Variants in CD2 observed in about 807,000 individuals in gnomAD.
CD2 encodes T-cell surface antigen CD2.
Under a neutral mutation model 23.2 loss-of-function variants are expected in CD2, and 18 were observed. The ratio of observed to expected loss-of-function variants is 0.77; its 90% CI spans 0.54 to 1.15. The LOEUF is 1.15. CD2 is among the 50% of genes most tolerant of loss of function. The probability of loss-of-function intolerance (pLI) is 0.00; values close to 1 mark genes in which losing one functional copy is unlikely to be tolerated. For missense variants in CD2, 424 were observed against 423.1 expected (o/e 1.00, Z -0.02); for synonymous variants, 162 against 151.9 (o/e 1.07, Z -0.49).
intron 4 of CD2, 125 bp downstream of exon 4, chr1:116,764,731 T>C (rs1421906594): frequency 1.3e-6 from 1 of 750,552 alleles, no homozygotes; most frequent in Non-Finnish European, 2.3e-6. Flanking sequence ...ATGTCAGGGT[T>C]GTAGTCAGCG....
At chr1:116,767,321 C>T (rs1332614767) in intron 4 of CD2, among the ~76,000 whole-genome samples, 2 of 152,086 alleles carry the variant, frequency 1.3e-5, no homozygotes, top group East Asian at 3.9e-4. Context: ...CAGCTGGGTG[C>T]GGTGGCTCAT....
intron 2 of CD2, among the ~76,000 whole-genome samples, chr1:116,758,275 A>T (rs1238780439): frequency 2.0e-5 from 3 of 152,086 alleles, no homozygotes; most frequent in Non-Finnish European, 1.5e-5. Context: ...AAGAAGGGAA[A>T]AGAGGAAGCT....
Position 116,768,900 on chromosome 1 carries a change from G to A in CD2, c.*117G>A, listed in dbSNP as rs1443308198. 3 of 1,047,862 alleles carry A rather than the reference G, an allele frequency of 2.9e-6. No homozygotes were observed. Among genetic ancestry groups the A allele is most frequent in the Non-Finnish European group, 4.1e-6 (3 of 727,208 alleles). The allele number at this position is 1,047,862 out of a possible 1,614,324, so 64.9% of individuals were successfully genotyped here. On this transcript the variant is annotated 3_prime_UTR_variant, in exon 5 of 5. Transcript: ENST00000369478. ...GTGCAGAACATTGTCACCTCCTGAG[G>A]CTGTGGGCCACAGCCACCTCTGCAT... is the stretch of plus-strand genomic sequence containing the variant.
At position 116,761,294 on chromosome 1, in the gene CD2, G is replaced by A. The variant is rs147205377; in HGVS notation, c.613+662G>A. On this transcript the variant is annotated intron_variant, in intron 3 of 4. Coordinates refer to ENST00000369478, the MANE Select transcript of CD2 (RefSeq NM_001767.5). The stretch of plus-strand genomic sequence containing the variant: ...AGCCTTCTATAGTGCCCAAGCTCTC[G>A]CCTGGGAGTAGAGGTCTGGACTTCT... 5.1e-4 allele frequency among the ~76,000 whole-genome samples: 77 copies of A among 152,274 alleles called. 1 individual carries two copies. Among genetic ancestry groups the A allele is most frequent in the African/African-American group, 1.7e-3 (70 of 41,546 alleles).
rs987456909 is a variant in CD2 at position 116,768,400 on chromosome 1, T to A, written c.737-64T>A. 7 of 1,469,962 alleles carry A rather than the reference T, an allele frequency of 4.8e-6. No individual in the cohort carries two copies. In the African/African-American group the frequency reaches 9.8e-5, roughly 21 times the overall value. 91.1% of individuals were successfully genotyped at this position (1,469,962 alleles called of 1,614,324 possible). A position where few individuals can be genotyped will look rare whatever the true frequency, so the allele number is the denominator to read the frequency against. On this transcript the variant is annotated intron_variant, in intron 4 of 4. Transcript: ENST00000369478. Reference sequence around the variant, plus strand: ...AGCATGGCGCCTTGCATATAAAAGGTACTCAATATTTACATTGATTTCACC... The same window carrying A: ...AGCATGGCGCCTTGCATATAAAAGGAACTCAATATTTACATTGATTTCACC...
chr1:116,754,620 G>A lies in CD2; in HGVS notation c.62-11G>A, dbSNP rs1440097336. The A allele has an allele frequency of 6.2e-7, 1 of 1,608,102 alleles. No homozygotes were observed. Among genetic ancestry groups the A allele is most frequent in the Non-Finnish European group, 8.5e-7 (1 of 1,178,240 alleles). The stretch of plus-strand genomic sequence containing the variant: ...GAAAGTGACTCTCAGTAACTCTTTT[G>A]CTTTTTATAGGTGCAGTCTCCAAAG... On this transcript the variant is annotated splice_polypyrimidine_tract_variant and intron_variant, in intron 1 of 4. Coordinates refer to ENST00000369478, the MANE Select transcript of CD2 (RefSeq NM_001767.5).
intron 2 of CD2, among the ~76,000 whole-genome samples, chr1:116,755,449 G>T (rs1466808333): frequency 1.3e-5 from 2 of 152,182 alleles, no homozygotes; most frequent in African/African-American, 4.8e-5. Flanking sequence ...CCTTATTTTG[G>T]ATCTGCTTGT....
Position 116,754,735 on chromosome 1 carries a change from G to A in CD2, c.166G>A (p.Asp56Asn), listed in dbSNP as rs1024165793. 1.9e-6 allele frequency: 3 copies of A among 1,613,044 alleles called. No individual in the cohort carries two copies. Among genetic ancestry groups the A allele is most frequent in the East Asian group, 4.5e-5 (2 of 44,884 alleles). Residue 56 changes from aspartate (D) to asparagine (N), a missense_variant, in exon 2 of 5, where the codon GAT becomes AAT. Transcript: ENST00000369478. ...TTTTCAAATGAGTGATGATATTGACGATATAAAATGGGAAAAAACTTCAGA... is the reference window on the plus strand; with the variant it reads ...TTTTCAAATGAGTGATGATATTGACAATATAAAATGGGAAAAAACTTCAGA... ...PSFQMSDDID[D>N]IKWEKTSDKK... is the part of the protein sequence containing the mutation.
chr1:116,764,619 T>A lies in CD2; in HGVS notation c.736+13T>A. On this transcript the variant is annotated intron_variant, in intron 4 of 4. Transcript: ENST00000369478. Reference sequence around the variant, plus strand: ...AGTCGGAGAAATGGTAAGCTCCCCCTCTTTTGTCCCACCGCAGGCCCCAGC... The same window carrying A: ...AGTCGGAGAAATGGTAAGCTCCCCCACTTTTGTCCCACCGCAGGCCCCAGC... 1 of 1,610,130 alleles carries A rather than the reference T, an allele frequency of 6.2e-7. No homozygotes were observed. Among genetic ancestry groups the A allele is most frequent in the Non-Finnish European group, 8.5e-7 (1 of 1,176,638 alleles).
chr1:116,761,293 C>A (rs528138330), intron 3 of CD2, among the ~76,000 whole-genome samples: 8 of 152,216 alleles, frequency 5.3e-5, no homozygotes, highest in African/African-American at 1.9e-4. Context: ...CCCAAGCTCT[C>A]GCCTGGGAGT....
chr1:116,761,790 C>G (rs1652062965), intron 3 of CD2, among the ~76,000 whole-genome samples: 1 of 152,144 alleles, frequency 6.6e-6, no homozygotes, highest in Admixed American at 6.5e-5. Context: ...CTCCCACATT[C>G]CCCCATCACT....
intron 2 of CD2, among the ~76,000 whole-genome samples, chr1:116,758,958 T>C (rs1446261001): frequency 6.6e-6 from 1 of 152,218 alleles, no homozygotes; most frequent in African/African-American, 2.4e-5. Flanking sequence ...TTTTCTTTTT[T>C]TTCTAAACAG....
rs763125349 is a variant in CD2, at chr1:116,754,824, G to A, written c.255G>A (p.Lys85=). The change falls in exon 2 of 5, where the codon AAG becomes AAA. Residue 85 remains lysine (K), a synonymous_variant. Coordinates refer to ENST00000369478, the MANE Select transcript of CD2 (RefSeq NM_001767.5). ...KETFKEKDTY[K]LFKNGTLKIK... ...CTTTCAAGGAAAAAGATACATATAAGCTATTTAAAAATGGAACTCTGAAAA... is the reference window on the plus strand; with the variant it reads ...CTTTCAAGGAAAAAGATACATATAAACTATTTAAAAATGGAACTCTGAAAA... 9.9e-6 allele frequency: 16 copies of A among 1,612,754 alleles called. No individual in the cohort carries two copies. In the East Asian group the frequency reaches 2.7e-4, roughly 27 times the overall value.
chr1:116,760,201 T>C (rs1035617361), intron 2 of CD2, among the ~76,000 whole-genome samples: 1 of 152,224 alleles, frequency 6.6e-6, no homozygotes, highest in Non-Finnish European at 1.5e-5. Flanking sequence ...GCATAATGTA[T>C]CTGTGAATGT....
At chr1:116,758,025 T>C (rs1413079491) in intron 2 of CD2, among the ~76,000 whole-genome samples, 1 of 151,606 alleles carries the variant, frequency 6.6e-6, no homozygotes, top group Non-Finnish European at 1.5e-5. Context: ...CACCTTAGCC[T>C]CCCAAAGTGC....
chr1:116,769,040 G>A lies in CD2; in HGVS notation c.*257G>A, dbSNP rs148305763. ...GATTGCAAGAATGGTAGAGGACCGA[G>A]CACAGAAATCTTAGAGATTTCTTGT... On this transcript the variant is annotated 3_prime_UTR_variant, in exon 5 of 5. Coordinates refer to ENST00000369478, the MANE Select transcript of CD2 (RefSeq NM_001767.5). 87 of 444,630 alleles carry A rather than the reference G, an allele frequency of 2.0e-4. No individual in the cohort carries two copies. Among genetic ancestry groups the A allele is most frequent in the African/African-American group, 1.5e-3 (74 of 50,412 alleles). The allele number at this position is 444,630 out of a possible 1,614,324, so 27.5% of individuals were successfully genotyped here.
In CD2 at chr1:116,764,574, C is replaced by T; in HGVS notation, c.704C>T (p.Thr235Ile). The T allele has an allele frequency of 1.2e-6, 2 of 1,613,986 alleles. No individual in the cohort carries two copies. The highest frequency in any genetic ancestry group is 1.7e-6 in the Non-Finnish European group (2 of 1,179,998). Residue 235 changes from threonine (T) to isoleucine (I), a missense_variant, in exon 4 of 5, where the codon ACC becomes ATC. Thr to Ile is a moderately conservative substitution (Grantham distance 89, BLOSUM62 -1). Coordinates refer to ENST00000369478, the MANE Select transcript of CD2 (RefSeq NM_001767.5). ...GTGGCACTGCTCGTTTTCTATATCA[C>T]CAAAAGGAAAAAACAGAGGAGTCGG... ...VFVALLVFYITKRKKQRSRRN... is the reference protein window; with the variant it reads ...VFVALLVFYIIKRKKQRSRRN...
intron 3 of CD2, among the ~76,000 whole-genome samples, chr1:116,761,101 T>G (rs1438042174): frequency 1.3e-5 from 2 of 152,076 alleles, no homozygotes; most frequent in African/African-American, 4.8e-5. Context: ...CATGGGGGAA[T>G]GGAGCCCTTG....
rs559951468 is a variant in CD2, at chr1:116,768,553, C to A, written c.826C>A (p.Pro276Thr). The change falls in exon 5 of 5, where the codon CCA becomes ACA. Residue 276 changes from proline to threonine, a missense_variant. Coordinates refer to ENST00000369478, the MANE Select transcript of CD2 (RefSeq NM_001767.5). ...AATTCCAGCTTCAACCCCTCAGAAT[C>A]CAGCAACTTCCCAACATCCTCCTCC... is the stretch of plus-strand genomic sequence containing the variant. ...HQIPASTPQN[P>T]ATSQHPPPPP... 2 of 1,614,110 alleles carry A rather than the reference C, an allele frequency of 1.2e-6. No individual in the cohort carries two copies. Among genetic ancestry groups the A allele is most frequent in the East Asian group, 4.5e-5 (2 of 44,872 alleles).
Sources: allele counts gnomAD v4.1 joint callset (sites outside exome capture counted in the v4.1 genomes callset), GRCh38; gene constraint gnomAD v4.1.1; transcripts MANE v1.5; gene names NCBI Gene and HGNC (gene_info 2026-07-23, HGNC 2026-07-21).